Variants in PPARD observed in about 807,000 individuals in gnomAD.
PPARD encodes the protein peroxisome proliferator activated receptor delta.
In PPARD, 6 loss-of-function variants were observed where a neutral mutation model predicts 39.5. The ratio of observed to expected loss-of-function variants is 0.15; its 90% confidence interval spans 0.08 to 0.30. The LOEUF (loss-of-function observed/expected upper bound fraction) is 0.30, where lower values mean the gene tolerates loss of function less well. Among genes scored for constraint, PPARD ranks in the 10% least tolerant of loss-of-function variants. PPARD has a pLI of 1.00. For synonymous variants in PPARD, 210 were observed against 231.3 expected (o/e 0.91, Z 0.83); for missense variants, 397 against 596.8 (o/e 0.67, Z 3.49).
At chr6:35,414,276 CG>C (rs1562218631) in intron 3 of PPARD, among the ~76,000 whole-genome samples, 1 of 152,018 alleles carries the variant, frequency 6.6e-6, no homozygotes, top group African/African-American at 2.4e-5. Context: ...TAGAAGGCAC[CG>C]GAAGAGTCTA....
chr6:35,347,740 C>G lies in PPARD; in HGVS notation c.-102+590C>G, dbSNP rs1008754279. 7.2e-5 allele frequency among the ~76,000 whole-genome samples: 11 copies of G among 151,868 alleles called. No homozygotes were observed. The East Asian group carries it at 2.1e-3, about 29-fold the overall frequency. On this transcript the variant is annotated intron_variant, in intron 2 of 7. Transcript: ENST00000360694. ...TCTCCTGTCTCAGCCTCCCAAGTAGCTGGGATTATAGGCACCTGCCACCAC... is the reference window on the plus strand; with the variant it reads ...TCTCCTGTCTCAGCCTCCCAAGTAGGTGGGATTATAGGCACCTGCCACCAC...
chr6:35,378,114 G>A (rs1382366159), intron 2 of PPARD, among the ~76,000 whole-genome samples: 4 of 151,800 alleles, frequency 2.6e-5, no homozygotes, highest in African/African-American at 7.3e-5. Flanking sequence ...CGCCCGCCTC[G>A]GCCTCCCAAA....
intron 2 of PPARD, among the ~76,000 whole-genome samples, chr6:35,354,037 C>T (rs1761412997): frequency 6.6e-6 from 1 of 151,894 alleles, no homozygotes; most frequent in Admixed American, 6.6e-5. Flanking sequence ...TTGAGACCAT[C>T]CTGGCTAACA....
rs1426728471 is a variant in PPARD, at chr6:35,425,835, G to A, written c.1082G>A (p.Arg361Gln). The A allele has an allele frequency of 3.7e-6, 6 of 1,613,762 alleles. No homozygotes were observed. Among genetic ancestry groups the A allele is most frequent in the Non-Finnish European group, 5.1e-6 (6 of 1,179,990 alleles). ...GGCGTGCCCTGTGTCCCCACAGACC[G>A]GCCAGGCCTCATGAACGTTCCACGG... is the stretch of plus-strand genomic sequence containing the variant. Reference protein sequence around the residue: ...FIAAIILCGDRPGLMNVPRVE... With the variant: ...FIAAIILCGDQPGLMNVPRVE... Residue 361 changes from arginine (R) to glutamine (Q), a missense_variant, in exon 8 of 8, where the codon CGG (arginine) becomes CAG (glutamine). Coordinates refer to ENST00000360694, the MANE Select transcript of PPARD (RefSeq NM_006238.5). This position sits in a 1 kb window ranked among gnomAD's most constrained non-coding sequence, Gnocchi z 4.5.
In PPARD at chr6:35,424,913, C is replaced by T; in HGVS notation, c.1078+134C>T. On this transcript the variant is annotated intron_variant, in intron 7 of 7. Coordinates refer to ENST00000360694, the MANE Select transcript of PPARD (RefSeq NM_006238.5). This position sits in a 1 kb window ranked among gnomAD's most constrained non-coding sequence, Gnocchi z 7.1. ...CCTGTGATCTTGGCAGTGGAACATG[C>T]AAGGCACTGACTGAGCATGCAGGAT... 6.9e-7 allele frequency: 1 copy of T among 1,456,610 alleles called. No homozygotes were observed. Among genetic ancestry groups the T allele is most frequent in the Non-Finnish European group, 9.0e-7 (1 of 1,108,100 alleles). 90.2% of individuals were successfully genotyped at this position (1,456,610 alleles called of 1,614,324 possible).
At chr6:35,343,157 G>C (rs116631473) in intron 1 of PPARD, among the ~76,000 whole-genome samples, 2 of 151,860 alleles carry the variant, frequency 1.3e-5, no homozygotes, top group African/African-American at 4.8e-5. Flanking sequence ...TGTCCCCCTC[G>C]TTATCCTTGT....
intron 2 of PPARD, among the ~76,000 whole-genome samples, chr6:35,369,562 T>C (rs1222879195): frequency 6.6e-6 from 1 of 152,210 alleles, no homozygotes; most frequent in Admixed American, 6.5e-5. Context: ...GATCATACAA[T>C]ATGTGATCTT....
chr6:35,399,196 T>C (rs1010211001), intron 2 of PPARD, among the ~76,000 whole-genome samples: 1 of 151,744 alleles, frequency 6.6e-6, no homozygotes. Flanking sequence ...TGAGGTGGGT[T>C]CAAGACTAGC....
In PPARD at chr6:35,371,684, C is replaced by T. The variant is rs185397726; in HGVS notation, c.-102+24534C>T. 1.9e-4 allele frequency among the ~76,000 whole-genome samples: 29 copies of T among 152,230 alleles called. No homozygotes were observed. In the East Asian group the frequency reaches 5.4e-3, roughly 28 times the overall value. ...CCTGTAGTGAGTTGGATGGTTGCCC[C>T]TCCAAAAGATATGTCCAAGTCCTAA... is the stretch of plus-strand genomic sequence containing the variant. On this transcript the variant is annotated intron_variant, in intron 2 of 7. Transcript: ENST00000360694.
In PPARD at chr6:35,425,908, G is replaced by A; in HGVS notation, c.1155G>A (p.Leu385=). 2 of 1,614,152 alleles carry A rather than the reference G, an allele frequency of 1.2e-6. No individual in the cohort carries two copies. Among genetic ancestry groups the A allele is most frequent in the Admixed American group, 3.3e-5 (2 of 60,026 alleles). ...DTILRALEFH[L]QANHPDAQYL... Reference sequence around the variant, plus strand: ...TCCTGCGTGCCCTCGAATTCCACCTGCAGGCCAACCACCCTGATGCCCAGT... The same window carrying A: ...TCCTGCGTGCCCTCGAATTCCACCTACAGGCCAACCACCCTGATGCCCAGT... Residue 385 remains leucine, a synonymous_variant, in exon 8 of 8, where the codon CTG becomes CTA. Transcript: ENST00000360694. The surrounding 1 kb of genome is among the most constrained non-coding windows in gnomAD (Gnocchi z 4.5).
chr6:35,386,673 A>C (rs1763681588), intron 2 of PPARD, among the ~76,000 whole-genome samples: 1 of 152,084 alleles, frequency 6.6e-6, no homozygotes, highest in Admixed American at 6.6e-5. Context: ...TTGGCCTGGC[A>C]GTGGGAGTTT....
rs1461280728 is a variant in PPARD at position 35,383,951 on chromosome 6, C to G, written c.-101-27036C>G. Reference sequence around the variant, plus strand: ...CGGGAGGGAGGTGGGGGGGGTCAGCCCCCCCGCCAGGCCAGCAGCCCCATC... The same window carrying G: ...CGGGAGGGAGGTGGGGGGGGTCAGCGCCCCCGCCAGGCCAGCAGCCCCATC... On this transcript the variant is annotated intron_variant, in intron 2 of 7. Coordinates refer to ENST00000360694, the MANE Select transcript of PPARD (RefSeq NM_006238.5). Among the ~76,000 whole-genome samples, 239 of 87,510 alleles carry G rather than the reference C, an allele frequency of 2.7e-3. 9 individuals carry two copies. Among genetic ancestry groups the G allele is most frequent in the Non-Finnish European group, 3.2e-3 (172 of 53,358 alleles). The allele number at this position is 87,510 out of a possible 152,430, so 57.4% of individuals were successfully genotyped here.
intron 2 of PPARD, among the ~76,000 whole-genome samples, chr6:35,347,601 A>G (rs113530109): frequency 0.029 from 4,325 of 151,614 alleles, 170 homozygotes; most frequent in African/African-American, 0.083. Flanking sequence ...ATATATATAT[A>G]TATTTTGTTT....
At position 35,412,730 on chromosome 6, in the gene PPARD, A is replaced by C. The variant is rs548002912; in HGVS notation, c.130+1513A>C. On this transcript the variant is annotated intron_variant, in intron 3 of 7. Coordinates refer to ENST00000360694, the MANE Select transcript of PPARD (RefSeq NM_006238.5). This position sits in a 1 kb window ranked among gnomAD's most constrained non-coding sequence, Gnocchi z 4.1. ...AGGATCACCTGGGAGTGACCAAAGT[A>C]GGCCAAATGTGATTCTAGGGCCAAA... Among the ~76,000 whole-genome samples, 2 of 152,296 alleles carry C rather than the reference A, an allele frequency of 1.3e-5. No individual in the cohort carries two copies. The highest frequency in any genetic ancestry group is 4.8e-5 in the African/African-American group (2 of 41,568).
In PPARD at chr6:35,388,216, C is replaced by T. The variant is rs1319680855; in HGVS notation, c.-101-22771C>T. On this transcript the variant is annotated intron_variant, in intron 2 of 7. Transcript: ENST00000360694. ...GGAGGAAGTGAGAGGAGTTGGGGCT[C>T]ATTTAATGCAGACTAAAACAGGATC... Among the ~76,000 whole-genome samples the T allele has an allele frequency of 3.3e-5, 5 of 152,154 alleles. 1 individual carries two copies. Among genetic ancestry groups the T allele is most frequent in the Admixed American group, 2.6e-4 (4 of 15,276 alleles).
At chr6:35,399,215 C>T (rs748230914) in intron 2 of PPARD, among the ~76,000 whole-genome samples, 2 of 152,054 alleles carry the variant, frequency 1.3e-5, no homozygotes, top group Non-Finnish European at 2.9e-5. Context: ...GCCTGGCCAA[C>T]GTGGTGAAAC....
Position 35,425,888 on chromosome 6 carries a change from C to T in PPARD, c.1135C>T (p.Arg379Cys). Residue 379 changes from arginine to cysteine, a missense_variant, in exon 8 of 8, where the codon CGT becomes TGT. Arg to Cys is a radical substitution (Grantham distance 180). Coordinates refer to ENST00000360694, the MANE Select transcript of PPARD (RefSeq NM_006238.5). This position sits in a 1 kb window ranked among gnomAD's most constrained non-coding sequence, Gnocchi z 4.5. Reference sequence around the variant, plus strand: ...GGAGGCTATCCAGGACACCATCCTGCGTGCCCTCGAATTCCACCTGCAGGC... The same window carrying T: ...GGAGGCTATCCAGGACACCATCCTGTGTGCCCTCGAATTCCACCTGCAGGC... ...RVEAIQDTIL[R>C]ALEFHLQANH... The T allele has an allele frequency of 4.3e-6, 7 of 1,614,162 alleles. No homozygotes were observed. Among genetic ancestry groups the T allele is most frequent in the Admixed American group, 1.7e-5 (1 of 60,030 alleles).
rs3734253 is a variant in PPARD, at chr6:35,427,184, C to A, written c.*1105C>A. On this transcript the variant is annotated 3_prime_UTR_variant, in exon 8 of 8. Coordinates refer to ENST00000360694, the MANE Select transcript of PPARD (RefSeq NM_006238.5). ...TGGCCTCACATCCCCCTGCTCCTTTCTCTAGCTGGCTCCACGGGAGTTCAG... is the reference window on the plus strand; with the variant it reads ...TGGCCTCACATCCCCCTGCTCCTTTATCTAGCTGGCTCCACGGGAGTTCAG... 95 of 157,592 alleles carry A rather than the reference C, an allele frequency of 6.0e-4. 3 individuals carry two copies. In the East Asian group the frequency reaches 0.016, roughly 26 times the overall value. The allele number at this position is 157,592 out of a possible 1,614,324, so 9.8% of individuals were successfully genotyped here.
At chr6:35,345,093 C>G in intron 1 of PPARD, among the ~76,000 whole-genome samples, 1 of 152,160 alleles carries the variant, frequency 6.6e-6, no homozygotes, top group African/African-American at 2.4e-5. Flanking sequence ...GTGCTCTCTG[C>G]TGTGGTGGCA....
Sources: gnomAD v4.1 joint callset for allele counts (sites outside exome capture counted in the v4.1 genomes callset) on GRCh38, gnomAD v4.1.1 for gene constraint, Gnocchi (gnomAD v3.1) non-coding constraint, MANE v1.5 for transcripts, NCBI Gene and HGNC (gene_info 2026-07-23, HGNC 2026-07-21) for gene names.